Variants in SUPT6H observed in about 807,000 individuals in gnomAD.
SUPT6H encodes the protein transcription elongation factor SPT6.
In SUPT6H, 11 loss-of-function variants were observed where a neutral mutation model predicts 222.3. That is an observed-to-expected ratio of 0.05 (90% CI 0.03 to 0.08). The LOEUF (loss-of-function observed/expected upper bound fraction) is 0.08. Among genes scored for constraint, SUPT6H ranks in the 10% least tolerant of loss-of-function variants. SUPT6H has a pLI of 1.00. For synonymous variants in SUPT6H, 762 were observed against 801.2 expected (o/e 0.95, Z 0.83); for missense variants, 1,422 against 2,216.0 (o/e 0.64, Z 7.19).
chr17:28,691,779 G>A (rs2031658333), intron 27 of SUPT6H: 19 of 151,598 alleles, frequency 1.3e-4, no homozygotes, highest in Admixed American at 1.2e-3. Context: ...GAACCCAGGA[G>A]ATGGAGCTTG....
rs546020183 is a variant in SUPT6H, at chr17:28,667,370, CAAAAAAAAAA to C, written c.-32+5043_-32+5052del. Among the ~76,000 whole-genome samples the C allele has an allele frequency of 4.6e-3, 29 of 6,240 alleles. 1 individual carries two copies. Among genetic ancestry groups the C allele is most frequent in the African/African-American group, 0.013 (27 of 2,154 alleles). The allele number at this position is 6,240 out of a possible 152,430, so 4.1% of individuals were successfully genotyped here. On this transcript the variant is annotated intron_variant, in intron 1 of 36. Transcript: ENST00000314616. ...TGGGTAACTGAGCAAGACTCCGTCTCAAAAAAAAAAAAAAAAAAAAAAAAGTGTGTGTGTG... is the reference window on the plus strand; with the variant it reads ...TGGGTAACTGAGCAAGACTCCGTCTCAAAAAAAAAAAAAAGTGTGTGTGTG...
intron 12 of SUPT6H, among the ~76,000 whole-genome samples, 163 bp from the exon 13 acceptor site, chr17:28,681,712 CAAAAAAA>C (rs541707928): frequency 1.1e-5 from 1 of 89,084 alleles, no homozygotes; most frequent in African/African-American, 4.2e-5. Context: ...GGCTGTGTCT[CAAAAAAA>C]AAAAAAAAAA....
chr17:28,689,125 T>C (rs908579691), intron 24 of SUPT6H: 2 of 496,230 alleles, frequency 4.0e-6, no homozygotes, highest in Admixed American at 7.5e-5. Context: ...AAAAATGGGA[T>C]CATATGGTTC....
rs1211593388 is a variant in SUPT6H at position 28,684,980 on chromosome 17, G to A, written c.2487+19G>A. The A allele has an allele frequency of 1.9e-6, 3 of 1,601,986 alleles. No homozygotes were observed. In the Admixed American group the frequency reaches 5.1e-5, roughly 27 times the overall value. ...AAAGAAGGCAAGTGGCTAGGACGAG[G>A]ATACTAAGTGTACATCTGGAGTATG... On this transcript the variant is annotated intron_variant, in intron 19 of 36. Coordinates refer to ENST00000314616, the MANE Select transcript of SUPT6H (RefSeq NM_003170.5).
Position 28,676,222 on chromosome 17 carries a change from A to G in SUPT6H, c.689A>G (p.Asn230Ser). The G allele has an allele frequency of 6.2e-7, 1 of 1,612,586 alleles. No individual in the cohort carries two copies. Among genetic ancestry groups the G allele is most frequent in the Non-Finnish European group, 8.5e-7 (1 of 1,179,524 alleles). The change falls in exon 7 of 37, where the codon AAT becomes AGT. Residue 230 changes from asparagine (N) to serine (S), a missense_variant. Asn to Ser is a conservative substitution (Grantham distance 46). Transcript: ENST00000314616. ...GACTATGATGAATTTGAGAAATACA[A>G]TGAGTATGATGAAGAACTGGAGGAA... ...DFDYDEFEKY[N>S]EYDEELEEEY...
intron 25 of SUPT6H, 84 bp downstream of exon 25, chr17:28,689,645 A>G: frequency 1.5e-6 from 2 of 1,292,298 alleles, no homozygotes; most frequent in East Asian, 2.3e-5. Flanking sequence ...GAGTGTGCAG[A>G]GAAAGCCTGA....
At chr17:28,696,270 G>A (rs1230909769) in intron 29 of SUPT6H, among the ~76,000 whole-genome samples, 6 of 142,796 alleles carry the variant, frequency 4.2e-5, no homozygotes, top group Non-Finnish European at 7.6e-5. Flanking sequence ...ACAGTACAAC[G>A]TGGGTGACAG....
intron 32 of SUPT6H, among the ~76,000 whole-genome samples, chr17:28,699,009 ACT>A (rs1010484553): frequency 3.3e-5 from 5 of 152,076 alleles, no homozygotes; most frequent in African/African-American, 1.2e-4. Flanking sequence ...AAAGGAGCTG[ACT>A]CTCCTTGTGT....
At chr17:28,667,405 G>GTGTGTA (rs1465539733) in intron 1 of SUPT6H, among the ~76,000 whole-genome samples, 30 of 49,302 alleles carry the variant, frequency 6.1e-4, no homozygotes, top group Admixed American at 2.0e-3. Flanking sequence ...GTGTGTGTGT[G>GTGTGTA]TATATATATA....
intron 5 of SUPT6H, 43 bp from the exon 6 acceptor site, chr17:28,675,358 C>A: frequency 6.2e-7 from 1 of 1,606,644 alleles, no homozygotes; most frequent in Non-Finnish European, 8.5e-7. Flanking sequence ...AGTCCTGGCT[C>A]AGCCCCTGAC....
chr17:28,688,070 C>T lies in SUPT6H; in HGVS notation c.3007-21C>T, dbSNP rs544706437. On this transcript the variant is annotated intron_variant, in intron 23 of 36. Transcript: ENST00000314616. This position sits in a 1 kb window ranked among gnomAD's most constrained non-coding sequence, Gnocchi z 4.3. ...GTGGGGCCTGCTTACTGCCCTGGCT[C>T]AGTCCAGCTCTCTCCCCCAGATCCT... is the stretch of plus-strand genomic sequence containing the variant. 21 of 1,591,388 alleles carry T rather than the reference C, an allele frequency of 1.3e-5. No homozygotes were observed. In the East Asian group the frequency reaches 4.8e-4, roughly 36 times the overall value.
At position 28,701,704 on chromosome 17, in the gene SUPT6H, C is replaced by T; in HGVS notation, c.*79C>T. On this transcript the variant is annotated 3_prime_UTR_variant, in exon 37 of 37. Coordinates refer to ENST00000314616, the MANE Select transcript of SUPT6H (RefSeq NM_003170.5). Reference sequence around the variant, plus strand: ...CCCACTGCCTCCCTCCCTGCCCCTCCTTTTATGTCCATAAAGTGGCGTGAA... The same window carrying T: ...CCCACTGCCTCCCTCCCTGCCCCTCTTTTTATGTCCATAAAGTGGCGTGAA... 7.0e-7 allele frequency: 1 copy of T among 1,435,590 alleles called. No individual in the cohort carries two copies. The highest frequency in any genetic ancestry group is 9.4e-7 in the Non-Finnish European group (1 of 1,059,652). The allele number at this position is 1,435,590 out of a possible 1,614,324, so 88.9% of individuals were successfully genotyped here.
At chr17:28,682,354 A>G (rs1242560210) in intron 13 of SUPT6H, among the ~76,000 whole-genome samples, 6 of 152,110 alleles carry the variant, frequency 3.9e-5, no homozygotes. Flanking sequence ...AGCTGGGCAC[A>G]GTGGCTCACG....
chr17:28,683,084 G>A lies in SUPT6H; in HGVS notation c.1870G>A (p.Gly624Ser). 1 of 1,598,566 alleles carries A rather than the reference G, an allele frequency of 6.3e-7. No individual in the cohort carries two copies. Among genetic ancestry groups the A allele is most frequent in the Non-Finnish European group, 8.5e-7 (1 of 1,174,622 alleles). The change falls in exon 15 of 37, where the codon GGT becomes AGT. Residue 624 changes from glycine (G) to serine (S), a missense_variant. Physicochemically the swap from Gly to Ser is moderately conservative, Grantham distance 56. Coordinates refer to ENST00000314616, the MANE Select transcript of SUPT6H (RefSeq NM_003170.5). ...GTTAAATATAACCCCCACCAAGAAA[G>A]GTAGAAAGGTGAGCTGGGTGAAGGG... The part of the protein sequence containing the change: ...AKLNITPTKK[G>S]RKDVDEAHYA...
At chr17:28,663,827 C>CCTTTTTTTTTTTTTTTTTTTTTTTTTTT (rs1567681347) in intron 1 of SUPT6H, among the ~76,000 whole-genome samples, 2 of 8,408 alleles carry the variant, frequency 2.4e-4, no homozygotes, top group Non-Finnish European at 3.1e-4. Flanking sequence ...CTGCCCACTC[C>CCTTTTTTTTTTTTTTTTTTTTTTTTTTT]ATTTTTTTTT....
At chr17:28,700,553 C>T (rs931637812) in intron 35 of SUPT6H, 41 bp downstream of exon 35, 13 of 1,594,288 alleles carry the variant, frequency 8.2e-6, no homozygotes, top group Non-Finnish European at 1.0e-5. Flanking sequence ...CAGGGTGGGG[C>T]CCATAGACTG....
chr17:28,667,370 C>CAAAA (rs546020183), intron 1 of SUPT6H, among the ~76,000 whole-genome samples: 1 of 6,236 alleles, frequency 1.6e-4, no homozygotes, highest in Non-Finnish European at 3.5e-4. Context: ...GACTCCGTCT[C>CAAAA]AAAAAAAAAA....
rs1441980052 is a variant in SUPT6H at position 28,701,050 on chromosome 17, A to T, written c.4916A>T (p.Gln1639Leu). ...ACCACCCCTCAGTACCACCAGCTCCAGGCCAGCACCACCCCACAGTCGGCC... is the reference window on the plus strand; with the variant it reads ...ACCACCCCTCAGTACCACCAGCTCCTGGCCAGCACCACCCCACAGTCGGCC... The part of the protein sequence containing the change: ...PITTPQYHQL[Q>L]ASTTPQSAQA... The change falls in exon 36 of 37, where the codon CAG becomes CTG. Residue 1639 changes from glutamine to leucine, a missense_variant. Gln to Leu is a moderately radical substitution (Grantham distance 113). This residue lies in a region of SUPT6H where 395 missense variants were observed against 580.6 expected (regional missense o/e 0.68). Transcript: ENST00000314616. 1 of 1,614,108 alleles carries T rather than the reference A, an allele frequency of 6.2e-7. No individual in the cohort carries two copies. Among genetic ancestry groups the T allele is most frequent in the East Asian group, 2.2e-5 (1 of 44,890 alleles).
chr17:28,682,097 C>A, intron 13 of SUPT6H, 117 bp downstream of exon 13: 1 of 717,012 alleles, frequency 1.4e-6, no homozygotes, highest in Non-Finnish European at 2.3e-6. Flanking sequence ...CCAATCCAAT[C>A]CTGAACTAGC....
Sources: gnomAD v4.1 joint callset for allele counts (sites outside exome capture counted in the v4.1 genomes callset) on GRCh38, gnomAD v4.1.1 for gene constraint, gnomAD v4.1.1 regional missense constraint, Gnocchi (gnomAD v3.1) non-coding constraint, MANE v1.5 for transcripts, NCBI Gene and HGNC (gene_info 2026-07-23, HGNC 2026-07-21) for gene names.